DNAH6: variants seen among roughly 807,000 people sequenced by gnomAD.
DNAH6 encodes the protein dynein axonemal heavy chain 6, also known as axonemal beta dynein heavy chain 6.
DNAH6 carries 340 observed loss-of-function variants against 491.4 expected under a neutral mutation model. The ratio of observed to expected loss-of-function variants is 0.69; its 90% CI spans 0.63 to 0.76. The LOEUF (loss-of-function observed/expected upper bound fraction) is 0.76. Among genes scored for constraint, DNAH6 ranks in the 30% least tolerant of loss-of-function variants. The pLI, the probability that DNAH6 is intolerant of heterozygous loss-of-function variation, is 0.00. For missense variants in DNAH6, 4,443 were observed against 4,972.2 expected, an observed-to-expected ratio of 0.89 and a Z score of 3.20; for synonymous variants, 1,603 against 1,686.1, an observed-to-expected ratio of 0.95 and a Z score of 1.21.
intron 11 of DNAH6, among the ~76,000 whole-genome samples, chr2:84,570,373 A>C (rs1681660564): frequency 6.6e-6 from 1 of 152,188 alleles, no homozygotes; most frequent in Non-Finnish European, 1.5e-5. Flanking sequence ...GTCTAGCTAG[A>C]GGATTGTAAA....
the DNAH6 span, among the ~76,000 whole-genome samples, chr2:84,489,995 T>C: frequency 6.6e-6 from 1 of 152,200 alleles, no homozygotes; most frequent in Non-Finnish European, 1.5e-5. Flanking sequence ...ACTGTTGATG[T>C]TTCTGAATCT....
chr2:84,596,747 A>C (rs960024852), intron 18 of DNAH6, among the ~76,000 whole-genome samples: 8 of 152,134 alleles, frequency 5.3e-5, no homozygotes, highest in African/African-American at 1.9e-4. Context: ...GCTTGAAAAG[A>C]GTGTTATTTG....
At position 84,611,780 on chromosome 2, in the gene DNAH6, T is replaced by G. The variant is rs1227677956; in HGVS notation, c.3401T>G (p.Val1134Gly). 3.2e-6 allele frequency: 5 copies of G among 1,551,018 alleles called. No individual in the cohort carries two copies. The highest frequency in any genetic ancestry group is 1.7e-4 in the Middle Eastern group (1 of 6,014). The stretch of plus-strand genomic sequence containing the variant: ...GCAGAGGCCAAGATGTTCCTTCAGG[T>G]GGATAAGTCATGGAAAGAAATCATG... ...LPAEAKMFLQ[V>G]DKSWKEIMRK... Residue 1134 changes from valine to glycine, a missense_variant, in exon 22 of 77, where the codon GTG becomes GGG. Physicochemically the swap from Val to Gly is moderately radical, Grantham distance 109 (BLOSUM62 -3). Coordinates refer to ENST00000389394, the MANE Select transcript of DNAH6 (RefSeq NM_001370.2).
chr2:84,595,505 T>C, intron 17 of DNAH6, 141 bp from the exon 18 acceptor site: 1 of 717,290 alleles, frequency 1.4e-6, no homozygotes, highest in Non-Finnish European at 2.2e-6. Context: ...TATATAATGT[T>C]ATTAGCAATT....
At chr2:84,501,808 T>C in the DNAH6 span, among the ~76,000 whole-genome samples, 1 of 150,892 alleles carries the variant, frequency 6.6e-6, no homozygotes, top group Non-Finnish European at 1.5e-5. Context: ...TCCAATTTAT[T>C]GGCATGTAAT....
intron 11 of DNAH6, 107 bp from the exon 12 acceptor site, chr2:84,573,360 T>C: frequency 1.2e-6 from 1 of 865,706 alleles, no homozygotes; most frequent in South Asian, 1.8e-5. Flanking sequence ...AACATACTAT[T>C]GGGCATAGAG....
At chr2:84,811,270 T>G (rs1679942314) in intron 72 of DNAH6, among the ~76,000 whole-genome samples, 1 of 152,250 alleles carries the variant, frequency 6.6e-6, no homozygotes, top group African/African-American at 2.4e-5. Context: ...CTTATTTGGT[T>G]GCTTAGTCAA....
At chr2:84,578,149 G>C (rs909299602) in intron 13 of DNAH6, among the ~76,000 whole-genome samples, 2 of 152,152 alleles carry the variant, frequency 1.3e-5, no homozygotes, top group Admixed American at 6.5e-5. Context: ...GCCCCTGGTA[G>C]ATGATAGAAG....
chr2:84,554,197 G>C (rs1357812033), intron 10 of DNAH6, among the ~76,000 whole-genome samples: 1 of 152,188 alleles, frequency 6.6e-6, no homozygotes, highest in Non-Finnish European at 1.5e-5. Flanking sequence ...GCTTTCACTT[G>C]ATTCAGTCAC....
intron 33 of DNAH6, among the ~76,000 whole-genome samples, chr2:84,648,310 A>C (rs898790562): frequency 1.4e-4 from 22 of 152,240 alleles, no homozygotes; most frequent in African/African-American, 5.3e-4. Context: ...CTAACACAAC[A>C]TCCATTCTGT....
intron 63 of DNAH6, among the ~76,000 whole-genome samples, chr2:84,754,041 C>T (rs1280219710): frequency 2.6e-5 from 4 of 151,986 alleles, no homozygotes; most frequent in Non-Finnish European, 5.9e-5. Flanking sequence ...CCAGAATGGT[C>T]TCCATCTCTT....
chr2:84,588,346 C>T (rs951843905), intron 15 of DNAH6, among the ~76,000 whole-genome samples: 1 of 152,232 alleles, frequency 6.6e-6, no homozygotes, highest in African/African-American at 2.4e-5. Context: ...CTATTCCATT[C>T]CCATTCACTG....
At chr2:84,621,884 G>T (rs775784617) in intron 26 of DNAH6, among the ~76,000 whole-genome samples, 4 of 152,112 alleles carry the variant, frequency 2.6e-5, no homozygotes, top group Non-Finnish European at 5.9e-5. Context: ...AGTTTATTCA[G>T]TCCAGGAAAA....
At chr2:84,653,204 GA>G (rs1175564325) in intron 33 of DNAH6, 114 bp from the exon 34 acceptor site, 1 of 899,114 alleles carries the variant, frequency 1.1e-6, no homozygotes. Context: ...GTACATGTCA[GA>G]AGAGAAAGAT....
At chr2:84,612,236 A>T (rs1008769604) in intron 22 of DNAH6, among the ~76,000 whole-genome samples, 1 of 152,082 alleles carries the variant, frequency 6.6e-6, no homozygotes, top group Non-Finnish European at 1.5e-5. Context: ...TCCTCCACAG[A>T]TTTATAGCCA....
Position 84,529,116 on chromosome 2 carries a change from G to T in DNAH6, c.612G>T (p.Met204Ile), listed in dbSNP as rs1356515796. Residue 204 changes from methionine (M) to isoleucine (I), a missense_variant, in exon 4 of 77, where the codon ATG becomes ATT. Met to Ile is a conservative substitution (Grantham distance 10). Transcript: ENST00000389394. ...RENEHLGFLY[M>I]IPAVPRSSIE... The stretch of plus-strand genomic sequence containing the variant: ...ATGAACATCTTGGATTTCTTTATAT[G>T]ATCCCTGCAGTGCCAAGATCATCCA... 1.3e-6 allele frequency: 2 copies of T among 1,550,384 alleles called. No individual in the cohort carries two copies. The highest frequency in any genetic ancestry group is 1.7e-6 in the Non-Finnish European group (2 of 1,146,174).
At chr2:84,530,832 TC>T (rs1019456303) in intron 4 of DNAH6, among the ~76,000 whole-genome samples, 2 of 152,116 alleles carry the variant, frequency 1.3e-5, no homozygotes, top group African/African-American at 4.8e-5. Context: ...AGTTTAATGA[TC>T]CAGTTGTCTG....
chr2:84,583,170 A>T (rs565811707), intron 14 of DNAH6, among the ~76,000 whole-genome samples: 1 of 152,346 alleles, frequency 6.6e-6, no homozygotes, highest in African/African-American at 2.4e-5. Flanking sequence ...CTGTAGTAAA[A>T]TAATTTATTA....
chr2:84,566,406 A>G (rs1289739058), intron 11 of DNAH6, among the ~76,000 whole-genome samples: 1 of 152,096 alleles, frequency 6.6e-6, no homozygotes, highest in African/African-American at 2.4e-5. Flanking sequence ...CTAAAAACCC[A>G]TATGATGGAC....
Sources: allele counts gnomAD v4.1 joint callset (sites outside exome capture counted in the v4.1 genomes callset), GRCh38; gene constraint gnomAD v4.1.1; transcripts MANE v1.5; gene names NCBI Gene and HGNC (gene_info 2026-07-23, HGNC 2026-07-21).